The following CD99L2 variants were observed in gnomAD, a reference collection of about 807,000 sequenced individuals.
CD99L2 encodes CD99 antigen-like protein 2.
CD99L2 carries 24 observed loss-of-function variants against 27.3 expected under a neutral mutation model. The observed-to-expected ratio is 0.88, with a 90% confidence interval of 0.64 to 1.24. The LOEUF (loss-of-function observed/expected upper bound fraction) is 1.24, where lower values mean the gene tolerates loss of function less well. CD99L2 is among the 50% of genes most tolerant of loss of function. The probability of loss-of-function intolerance (pLI) is 0.00; values close to 1 mark genes in which losing one functional copy is unlikely to be tolerated. For synonymous variants in CD99L2, 97 were observed against 87.9 expected, an observed-to-expected ratio of 1.10 and a Z score of -0.58; for missense variants, 255 against 221.6, an observed-to-expected ratio of 1.15 and a Z score of -0.96.
intron 1 of CD99L2, among the ~76,000 whole-genome samples, chrX:150,834,809 C>T (rs2046501582): frequency 8.9e-6 from 1 of 112,147 alleles, no homozygotes; most frequent in South Asian, 3.7e-4. Flanking sequence ...TTTGGTTTTA[C>T]TTACACTATC....
chrX:150,772,423 G>C (rs958517042), intron 9 of CD99L2, among the ~76,000 whole-genome samples: 5 of 112,751 alleles, frequency 4.4e-5, no homozygotes, highest in African/African-American at 1.6e-4. Context: ...ACGGGGGACA[G>C]CAGAGGCCCG....
At chrX:150,866,197 G>A (rs1402580189) in intron 1 of CD99L2, among the ~76,000 whole-genome samples, 1 of 111,304 alleles carries the variant, frequency 9.0e-6, no homozygotes, top group African/African-American at 3.3e-5. Flanking sequence ...CAAAGACATG[G>A]GGAACTGTGC....
intron 1 of CD99L2, among the ~76,000 whole-genome samples, chrX:150,834,041 C>A (rs1557421133): frequency 1.8e-5 from 2 of 111,883 alleles, no homozygotes; most frequent in African/African-American, 6.5e-5. Context: ...GGGTTAATAT[C>A]CAAAATATAT....
intron 1 of CD99L2, among the ~76,000 whole-genome samples, chrX:150,845,569 G>T (rs959140304): frequency 3.6e-5 from 4 of 110,612 alleles, no homozygotes; most frequent in Non-Finnish European, 7.6e-5. Context: ...AGCCACAGTG[G>T]TTAATCATTA....
At chrX:150,874,381 A>G (rs1472534419) in intron 1 of CD99L2, among the ~76,000 whole-genome samples, 8 of 111,787 alleles carry the variant, frequency 7.2e-5, no homozygotes, top group African/African-American at 2.6e-4. Flanking sequence ...GTGAGGAAGA[A>G]GGAATTGGGA....
chrX:150,817,187 T>TA (rs2046173671), intron 2 of CD99L2, among the ~76,000 whole-genome samples: 1 of 103,981 alleles, frequency 9.6e-6, no homozygotes, highest in South Asian at 4.4e-4. Context: ...CCCTAAAACT[T>TA]AAAGTATAAT....
intron 1 of CD99L2, among the ~76,000 whole-genome samples, chrX:150,844,600 G>C (rs1195293219): frequency 8.9e-6 from 1 of 112,297 alleles, no homozygotes; most frequent in Non-Finnish European, 1.9e-5. Flanking sequence ...AAAGCATGCT[G>C]AGTAATTAAT....
intron 1 of CD99L2, among the ~76,000 whole-genome samples, chrX:150,849,748 A>G (rs1557421554): frequency 9.0e-6 from 1 of 111,686 alleles, no homozygotes; most frequent in African/African-American, 3.3e-5. Context: ...ATCCTGCTCC[A>G]TAACCTTCTG....
At chrX:150,816,391 G>T in intron 2 of CD99L2, 2 of 292,747 alleles carry the variant, frequency 6.8e-6, no homozygotes, top group East Asian at 1.4e-4. Context: ...GGTCCAGGGA[G>T]TTCCACAGCC....
chrX:150,779,587 G>C lies in CD99L2; in HGVS notation c.497-2105C>G, dbSNP rs1216182603. On this transcript the variant is annotated intron_variant, in intron 7 of 10. Transcript: ENST00000370377. ...GAGCCACGCTGGGCTACCGAGCTTC[G>C]CTTACTTCCTCTAGGCACAGGCTGA... Among the ~76,000 whole-genome samples, 3 of 112,308 alleles carry C rather than the reference G, an allele frequency of 2.7e-5. No homozygotes were observed. The East Asian group carries it at 8.3e-4, about 31-fold the overall frequency.
intron 4 of CD99L2, among the ~76,000 whole-genome samples, chrX:150,814,651 C>T (rs999781102): frequency 8.9e-6 from 1 of 112,044 alleles, no homozygotes; most frequent in African/African-American, 3.2e-5. Context: ...CATTGGTAAA[C>T]GTGACCCACA....
At chrX:150,770,046 G>A (rs868918966) in intron 10 of CD99L2, among the ~76,000 whole-genome samples, 24 of 112,957 alleles carry the variant, frequency 2.1e-4, no homozygotes, top group African/African-American at 6.1e-4. Context: ...TGGCTCGGAC[G>A]GACGAATCAA....
chrX:150,781,933 T>C (rs1284004508), intron 7 of CD99L2, among the ~76,000 whole-genome samples: 1 of 112,219 alleles, frequency 8.9e-6, no homozygotes, highest in African/African-American at 3.2e-5. Context: ...TACGCATACA[T>C]GGCAGCCTTG....
chrX:150,824,235 A>AGGAGG (rs2046299716), intron 2 of CD99L2, among the ~76,000 whole-genome samples: 1 of 55,779 alleles, frequency 1.8e-5, no homozygotes, highest in African/African-American at 7.6e-5. Context: ...GAAGAAGAAG[A>AGGAGG]AAGAAGAAGG....
chrX:150,770,572 CTCA>C (rs2043427965), intron 9 of CD99L2, among the ~76,000 whole-genome samples: 1 of 112,596 alleles, frequency 8.9e-6, no homozygotes, highest in African/African-American at 3.2e-5. Context: ...CCCAGGAGTT[CTCA>C]TCATCGTCCT....
chrX:150,814,947 C>T lies in CD99L2; in HGVS notation c.203-11G>A, dbSNP rs367713103. Reference sequence around the variant, plus strand: ...AGTCCAATCCACTACCTTCAGTGGGCCCCAAAACATAAAGGAAACAGCCAA... The same window carrying T: ...AGTCCAATCCACTACCTTCAGTGGGTCCCAAAACATAAAGGAAACAGCCAA... On this transcript the variant is annotated splice_polypyrimidine_tract_variant and intron_variant, in intron 3 of 10. Transcript: ENST00000370377. 2.7e-5 allele frequency: 33 copies of T among 1,207,756 alleles called. No individual in the cohort carries two copies. Among genetic ancestry groups the T allele is most frequent in the Non-Finnish European group, 3.5e-5 (31 of 893,809 alleles).
chrX:150,805,398 T>C (rs1341998525), intron 4 of CD99L2, among the ~76,000 whole-genome samples: 1 of 111,204 alleles, frequency 9.0e-6, no homozygotes, highest in African/African-American at 3.3e-5. Flanking sequence ...TGGAGATTTA[T>C]TATAGAGCAG....
At chrX:150,780,511 G>T (rs183173458) in intron 7 of CD99L2, among the ~76,000 whole-genome samples, 22 of 111,972 alleles carry the variant, frequency 2.0e-4, no homozygotes, top group African/African-American at 7.1e-4. Flanking sequence ...CATGTTCATC[G>T]CAGTATTCAT....
chrX:150,767,035 A>C lies in CD99L2; in HGVS notation c.*1999T>G, dbSNP rs2043324408. ...TCTACGTCACAGCTCTAGGGTTTCA[A>C]GGACTTAGCCATCCGACAGGCCTCA... On this transcript the variant is annotated 3_prime_UTR_variant, in exon 11 of 11. Coordinates refer to ENST00000370377, the MANE Select transcript of CD99L2 (RefSeq NM_031462.4). 1 of 111,956 alleles carries C rather than the reference A, an allele frequency of 8.9e-6. No individual in the cohort carries two copies. Among genetic ancestry groups the C allele is most frequent in the Admixed American group, 9.4e-5 (1 of 10,592 alleles). 9.2% of individuals were successfully genotyped at this position (111,956 alleles called of 1,213,427 possible). A position where few individuals can be genotyped will look rare whatever the true frequency, so the allele number is the denominator to read the frequency against.
Sources: allele counts gnomAD v4.1 joint callset (sites outside exome capture counted in the v4.1 genomes callset), GRCh38; gene constraint gnomAD v4.1.1; transcripts MANE v1.5; gene names NCBI Gene and HGNC (gene_info 2026-07-23, HGNC 2026-07-21).